The following ATG2B variants were observed in gnomAD, a reference collection of about 807,000 sequenced individuals.
ATG2B encodes autophagy-related protein 2 homolog B.
A neutral mutation model predicts 241.3 loss-of-function variants in ATG2B; 121 were observed. That is an observed-to-expected ratio of 0.50 (90% CI 0.43 to 0.58). The LOEUF is 0.58. Among genes scored for constraint, ATG2B ranks in the 20% least tolerant of loss-of-function variants. The pLI is 0.00. For missense variants in ATG2B, 2,306 were observed against 2,491.6 expected, an observed-to-expected ratio of 0.93 and a Z score of 1.59; for synonymous variants, 858 against 876.6, an observed-to-expected ratio of 0.98 and a Z score of 0.37.
At position 96,305,623 on chromosome 14, in the gene ATG2B, T is replaced by C. The variant is rs1484600097; in HGVS notation, c.4699A>G (p.Ile1567Val). The C allele has an allele frequency of 6.2e-7, 1 of 1,613,986 alleles. No homozygotes were observed. ...TTAGCCGGAGAAGTGGGAGGGACTA[T>C]TCCAAAATCCTTTCCTCCATAAAGA... is the stretch of plus-strand genomic sequence containing the variant. ...WHLYGGKDFG[I>V]VPPTSPAKSY... Residue 1567 changes from isoleucine to valine, a missense_variant, in exon 31 of 42, where the codon ATA becomes GTA. Coordinates refer to ENST00000359933, the MANE Select transcript of ATG2B (RefSeq NM_018036.7).
Position 96,282,366 on chromosome 14 carries a change from G to A in ATG2B, c.*3389C>T, listed in dbSNP as rs1025626615. ...AACTTGATGGAGAAAAGAACTTGAC[G>A]GACATTCTCTCTGAAGTCTTAAGGA... On this transcript the variant is annotated 3_prime_UTR_variant, in exon 42 of 42. Coordinates refer to ENST00000359933, the MANE Select transcript of ATG2B (RefSeq NM_018036.7). 5 of 152,170 alleles carry A rather than the reference G, an allele frequency of 3.3e-5. No individual in the cohort carries two copies. The highest frequency in any genetic ancestry group is 9.7e-5 in the African/African-American group (4 of 41,442). 9.4% of individuals were successfully genotyped at this position (152,170 alleles called of 1,614,324 possible).
rs199717949 is a variant in ATG2B, at chr14:96,343,150, T to G, written c.713A>C (p.Lys238Thr). The G allele has an allele frequency of 1.9e-6, 3 of 1,603,360 alleles. No homozygotes were observed. The highest frequency in any genetic ancestry group is 2.2e-5 in the East Asian group (1 of 44,686). The change falls in exon 5 of 42, where the codon AAA (lysine) becomes ACA (threonine). Residue 238 changes from lysine to threonine, a missense_variant. Physicochemically the swap from Lys to Thr is moderately conservative, Grantham distance 78. This residue lies in a region of ATG2B where 1,927 missense variants were observed against 2,011.2 expected (regional missense o/e 0.96). Transcript: ENST00000359933. Reference protein sequence around the residue: ...LFWDEFSASAKSSPVCSTAPV... With the variant: ...LFWDEFSASATSSPVCSTAPV... Reference sequence around the variant, plus strand: ...TGCAGTTGAACACACTGGGGAAGATTTGGCTGATGCAGAAAACTCATCCCA... The same window carrying G: ...TGCAGTTGAACACACTGGGGAAGATGTGGCTGATGCAGAAAACTCATCCCA...
intron 1 of ATG2B, among the ~76,000 whole-genome samples, chr14:96,350,523 G>A (rs1267184125): frequency 1.3e-5 from 2 of 152,164 alleles, no homozygotes; most frequent in Admixed American, 6.5e-5. Context: ...GCATGGTGGA[G>A]CAAACCAGAC....
chr14:96,345,422 AAG>A, intron 2 of ATG2B, 37 bp from the exon 3 acceptor site: 1 of 1,497,078 alleles, frequency 6.7e-7, no homozygotes, highest in Non-Finnish European at 9.0e-7. Context: ...ATAATTTCTT[AAG>A]AGTTACAACA....
Position 96,328,521 on chromosome 14 carries a change from T to C in ATG2B, c.1989A>G (p.Arg663=), listed in dbSNP as rs1887644759. The C allele has an allele frequency of 1.2e-6, 2 of 1,600,668 alleles. No individual in the cohort carries two copies. The highest frequency in any genetic ancestry group is 1.7e-6 in the Non-Finnish European group (2 of 1,176,334). ...CTGCCTTGTGAGGAACTGAACTAAG[T>C]CTTGCTTGATTACCCTTTTAAAAAA... is the stretch of plus-strand genomic sequence containing the variant. ...ENRGPQGNQA[R]LSSVPHKAEL... The change falls in exon 14 of 42, where the codon AGA becomes AGG. Residue 663 remains arginine (R), a synonymous_variant. Coordinates refer to ENST00000359933, the MANE Select transcript of ATG2B (RefSeq NM_018036.7).
chr14:96,340,103 A>AATATATGATATATATGAATATATATATC lies in ATG2B; in HGVS notation c.924+1391_924+1418dup, dbSNP rs11271304. Among the ~76,000 whole-genome samples the AATATATGATATATATGAATATATATATC allele has an allele frequency of 6.1e-4, 63 of 103,828 alleles. 5 individuals are homozygous for AATATATGATATATATGAATATATATATC. The Middle Eastern group carries it at 0.014, about 24-fold the overall frequency. 68.1% of individuals were successfully genotyped at this position (103,828 alleles called of 152,430 possible). On this transcript the variant is annotated intron_variant, in intron 6 of 41. Coordinates refer to ENST00000359933, the MANE Select transcript of ATG2B (RefSeq NM_018036.7). ...ATATATATGAATATATGCTATATAG[A>AATATATGATATATATGAATATATATATC]ATATATGATATATATGAATATATAT... is the stretch of plus-strand genomic sequence containing the variant.
At chr14:96,301,002 T>G (rs1361783948) in intron 34 of ATG2B, among the ~76,000 whole-genome samples, 1 of 152,236 alleles carries the variant, frequency 6.6e-6, no homozygotes, top group Non-Finnish European at 1.5e-5. Flanking sequence ...AATACTCTAC[T>G]TCCAAACCTG....
chr14:96,355,883 A>C (rs1358696606), intron 1 of ATG2B, among the ~76,000 whole-genome samples: 1 of 152,188 alleles, frequency 6.6e-6, no homozygotes, highest in African/African-American at 2.4e-5. Context: ...AAAAACGCGC[A>C]TGAGCTGGCT....
At chr14:96,317,946 A>G in intron 18 of ATG2B, 91 bp from the exon 19 acceptor site, 1 of 1,002,898 alleles carries the variant, frequency 1.0e-6, no homozygotes, top group Non-Finnish European at 1.4e-6. Context: ...GATCGTATGA[A>G]CAATAATTTT....
intron 1 of ATG2B, among the ~76,000 whole-genome samples, chr14:96,353,605 G>A (rs973957800): frequency 6.6e-6 from 1 of 150,808 alleles, no homozygotes; most frequent in Admixed American, 6.6e-5. Flanking sequence ...CAGCCAGGGC[G>A]AAACAGTGAG....
chr14:96,333,490 A>G (rs1887792594), intron 8 of ATG2B, among the ~76,000 whole-genome samples, 198 bp downstream of exon 8: 1 of 152,212 alleles, frequency 6.6e-6, no homozygotes, highest in Non-Finnish European at 1.5e-5. Context: ...AAAAAAATAT[A>G]CTATAGCACC....
chr14:96,322,511 A>G (rs1887486123), intron 17 of ATG2B, 29 bp downstream of exon 17: 15 of 1,582,208 alleles, frequency 9.5e-6, no homozygotes, highest in Non-Finnish European at 1.3e-5. Flanking sequence ...TAATAGTATT[A>G]TTCCTTTGTA....
Position 96,333,753 on chromosome 14 carries a change from G to A in ATG2B, c.1142C>T (p.Ser381Phe). ...GCTTTGCTCTGAAGATACACCCACA[G>A]AGAGGGAATCTTTTCTCAAATAATA... ...NRYYLRKDSL[S>F]VGVSSEQSFY... is the part of the protein sequence containing the mutation. Residue 381 changes from serine (S) to phenylalanine (F), a missense_variant, in exon 8 of 42, where the codon TCT becomes TTT. By Grantham distance (155) the Ser-to-Phe change is radical. Around this residue, in one of 2 missense-constraint regions of ATG2B, gnomAD observed 1,927 missense variants for 2,011.2 expected, o/e 0.96. Transcript: ENST00000359933. The A allele has an allele frequency of 6.2e-7, 1 of 1,613,914 alleles. No individual in the cohort carries two copies. Among genetic ancestry groups the A allele is most frequent in the Non-Finnish European group, 8.5e-7 (1 of 1,179,878 alleles).
At chr14:96,330,185 CT>C (rs2139879227) in intron 11 of ATG2B, among the ~76,000 whole-genome samples, 1 of 147,378 alleles carries the variant, frequency 6.8e-6, no homozygotes, top group East Asian at 2.1e-4. Context: ...CCCCATCTCT[CT>C]TAAAAATACA....
intron 33 of ATG2B, among the ~76,000 whole-genome samples, chr14:96,302,795 ACTAC>A (rs1206219724): frequency 3.9e-5 from 6 of 152,206 alleles, no homozygotes; most frequent in Non-Finnish European, 8.8e-5. Flanking sequence ...CTTCAGCAAT[ACTAC>A]CTATTTTGTA....
In ATG2B at chr14:96,317,136, A is replaced by C; in HGVS notation, c.3210+9T>G. 1 of 1,593,184 alleles carries C rather than the reference A, an allele frequency of 6.3e-7. No homozygotes were observed. The highest frequency in any genetic ancestry group is 8.6e-7 in the Non-Finnish European group (1 of 1,169,256). On this transcript the variant is annotated intron_variant, in intron 20 of 41. Coordinates refer to ENST00000359933, the MANE Select transcript of ATG2B (RefSeq NM_018036.7). ...ATTTGAAAAAACACTTCGGATTTGT[A>C]AACCTCACCTTCACATCTGTGAACA...
chr14:96,343,546 T>C (rs1357915017), intron 4 of ATG2B, among the ~76,000 whole-genome samples: 2 of 152,216 alleles, frequency 1.3e-5, no homozygotes, highest in African/African-American at 2.4e-5. Flanking sequence ...AGTCTCACCA[T>C]GCTTTACTAC....
intron 16 of ATG2B, 106 bp downstream of exon 16, chr14:96,323,790 A>C: frequency 1.3e-6 from 1 of 767,756 alleles, no homozygotes; most frequent in Non-Finnish European, 2.2e-6. Flanking sequence ...AAAAGAATCA[A>C]GGATGGACAT....
At chr14:96,315,329 A>G (rs1887277977) in intron 22 of ATG2B, 55 bp downstream of exon 22, 6 of 1,589,296 alleles carry the variant, frequency 3.8e-6, no homozygotes, top group Non-Finnish European at 8.6e-7. Context: ...CCTTTTATGT[A>G]ATTATTTTTA....
Sources: allele counts gnomAD v4.1 joint callset (sites outside exome capture counted in the v4.1 genomes callset), GRCh38; gene constraint gnomAD v4.1.1; regional missense constraint gnomAD v4.1.1; transcripts MANE v1.5; gene names NCBI Gene and HGNC (gene_info 2026-07-23, HGNC 2026-07-21).